The following SLC38A11 variants were observed in gnomAD, a reference collection of about 807,000 sequenced individuals.
SLC38A11 encodes solute carrier family 38 member 11, also known as putative sodium-coupled neutral amino acid transporter 11.
Under a neutral mutation model 49.4 loss-of-function variants are expected in SLC38A11, and 51 were observed. That is an observed-to-expected ratio of 1.03 (90% CI 0.83 to 1.30). The LOEUF (loss-of-function observed/expected upper bound fraction) is 1.30. Among genes scored for constraint, SLC38A11 ranks in the 50% most tolerant of loss-of-function variants. The pLI, the probability that SLC38A11 is intolerant of heterozygous loss-of-function variation, is 0.00. For missense variants in SLC38A11, 574 were observed against 556.2 expected (o/e 1.03, Z -0.32); for synonymous variants, 203 against 192.9 (o/e 1.05, Z -0.43).
chr2:164,945,405 A>G (rs1258056793), intron 4 of SLC38A11, among the ~76,000 whole-genome samples, 188 bp downstream of exon 4: 1 of 152,186 alleles, frequency 6.6e-6, no homozygotes, highest in East Asian at 1.9e-4. Context: ...TTTAAAAGAA[A>G]TAGTCAGAAA....
At chr2:164,939,662 T>C (rs1285455797) in intron 5 of SLC38A11, 106 bp from the exon 6 acceptor site, 1 of 569,192 alleles carries the variant, frequency 1.8e-6, no homozygotes, top group African/African-American at 1.9e-5. Flanking sequence ...ACATAAATAC[T>C]ACCTCAATGA....
rs1380772268 is a variant in SLC38A11, at chr2:164,935,518, AAAAAG to A, written c.617+1827_617+1831del. Among the ~76,000 whole-genome samples, 119 of 150,852 alleles carry A rather than the reference AAAAAG, an allele frequency of 7.9e-4. 1 individual carries two copies. Among genetic ancestry groups the A allele is most frequent in the African/African-American group, 2.8e-3 (114 of 41,198 alleles). On this transcript the variant is annotated intron_variant, in intron 7 of 11. Transcript: ENST00000685975. ...GACTCCATCTCTACAAAAAAAAAAA[AAAAAG>A]AAAGAAAGAAAAAATTAGCCGGATG...
chr2:164,903,663 C>T (rs559474848), intron 11 of SLC38A11, among the ~76,000 whole-genome samples: 1 of 152,286 alleles, frequency 6.6e-6, no homozygotes, highest in South Asian at 2.1e-4. Context: ...GGATACACCA[C>T]TGGCTTTGGA....
At chr2:164,925,840 A>G (rs1686536429) in intron 7 of SLC38A11, among the ~76,000 whole-genome samples, 1 of 152,182 alleles carries the variant, frequency 6.6e-6, no homozygotes, top group Admixed American at 6.5e-5. Flanking sequence ...CTTACCCAGT[A>G]GACATTTAAT....
At position 164,933,039 on chromosome 2, in the gene SLC38A11, T is replaced by C. The variant is rs117890034; in HGVS notation, c.617+4311A>G. 4.3e-4 allele frequency among the ~76,000 whole-genome samples: 66 copies of C among 152,200 alleles called. 1 individual carries two copies. In the East Asian group the frequency reaches 0.013, roughly 29 times the overall value. ...AACTGCAGAATTCAGGGTTTGAATGTATAAGGGTTAAGGAAACTAATGTGC... is the reference window on the plus strand; with the variant it reads ...AACTGCAGAATTCAGGGTTTGAATGCATAAGGGTTAAGGAAACTAATGTGC... On this transcript the variant is annotated intron_variant, in intron 7 of 11. Transcript: ENST00000685975.
chr2:164,910,306 C>A (rs1322600440), intron 10 of SLC38A11, among the ~76,000 whole-genome samples: 1 of 152,030 alleles, frequency 6.6e-6, no homozygotes, highest in Non-Finnish European at 1.5e-5. Context: ...TGCAGGCAGG[C>A]AGTTTACTAG....
At chr2:164,937,993 C>T (rs887456885) in intron 6 of SLC38A11, among the ~76,000 whole-genome samples, 1 of 151,842 alleles carries the variant, frequency 6.6e-6, no homozygotes, top group South Asian at 2.1e-4. Context: ...TTGCTTCTTC[C>T]TCTCTGTTCT....
In SLC38A11 at chr2:164,955,311, AGCCTCCTCC is replaced by A; in HGVS notation, c.-73_-65del. ...GCTGGGTACGGATTCGCACCCGGCCAGCCTCCTCCGCCACCTCGCACACAGCCGAGGTCC... is the reference window on the plus strand; with the variant it reads ...GCTGGGTACGGATTCGCACCCGGCCAGCCACCTCGCACACAGCCGAGGTCC... On this transcript the variant is annotated 5_prime_UTR_variant, in exon 1 of 12. Coordinates refer to ENST00000685975, the MANE Select transcript of SLC38A11 (RefSeq NM_001351537.2). 6.8e-7 allele frequency: 1 copy of A among 1,465,276 alleles called. No homozygotes were observed. The highest frequency in any genetic ancestry group is 1.2e-5 in the South Asian group (1 of 82,354). 90.8% of individuals were successfully genotyped at this position (1,465,276 alleles called of 1,614,324 possible).
At chr2:164,899,259 A>T (rs1004971042) in intron 11 of SLC38A11, among the ~76,000 whole-genome samples, 6 of 152,134 alleles carry the variant, frequency 3.9e-5, no homozygotes, top group African/African-American at 1.2e-4. Flanking sequence ...ACCCTAAGGC[A>T]GTTAACATGA....
rs1480190012 is a variant in SLC38A11 at position 164,896,569 on chromosome 2, A to T, written c.*1868T>A. On this transcript the variant is annotated 3_prime_UTR_variant, in exon 12 of 12. Transcript: ENST00000685975. ...TACATTTCCTCATTTCTTACATGGA[A>T]TGAAAGCATTTTTATTATATTTTAC... is the stretch of plus-strand genomic sequence containing the variant. 2.6e-5 allele frequency: 4 copies of T among 152,158 alleles called. No homozygotes were observed. The highest frequency in any genetic ancestry group is 9.7e-5 in the African/African-American group (4 of 41,444). 9.4% of individuals were successfully genotyped at this position (152,158 alleles called of 1,614,324 possible). A position where few individuals can be genotyped will look rare whatever the true frequency, so the allele number is the denominator to read the frequency against.
intron 7 of SLC38A11, among the ~76,000 whole-genome samples, chr2:164,916,822 A>G (rs1269710166): frequency 6.6e-6 from 1 of 152,132 alleles, no homozygotes; most frequent in African/African-American, 2.4e-5. Flanking sequence ...AATAATGATG[A>G]ACAGCAGAGG....
At chr2:164,917,594 T>C (rs1031139703) in intron 7 of SLC38A11, among the ~76,000 whole-genome samples, 16 of 152,158 alleles carry the variant, frequency 1.1e-4, no homozygotes, top group Admixed American at 1.0e-3. Context: ...ACATGATCCT[T>C]AGAAAATGAT....
intron 6 of SLC38A11, chr2:164,937,633 C>T (rs559786787): frequency 4.4e-6 from 2 of 452,156 alleles, no homozygotes; most frequent in Non-Finnish European, 7.9e-6. Flanking sequence ...CCGCACCCAC[C>T]CCAAGTAGGT....
At chr2:164,903,693 G>C (rs1340081546) in intron 11 of SLC38A11, among the ~76,000 whole-genome samples, 1 of 152,138 alleles carries the variant, frequency 6.6e-6, no homozygotes, top group Non-Finnish European at 1.5e-5. Flanking sequence ...GAAATTGCTT[G>C]ACAGGATGTA....
At chr2:164,938,855 A>T (rs1417264710) in intron 6 of SLC38A11, among the ~76,000 whole-genome samples, 1 of 152,176 alleles carries the variant, frequency 6.6e-6, no homozygotes, top group Non-Finnish European at 1.5e-5. Flanking sequence ...AAATACAAAT[A>T]TTCCTTGAGA....
intron 3 of SLC38A11, among the ~76,000 whole-genome samples, chr2:164,948,005 A>G (rs1378595057): frequency 3.3e-5 from 5 of 152,194 alleles, no homozygotes; most frequent in Non-Finnish European, 7.3e-5. Context: ...GGATCTGGCC[A>G]TTGATTATCA....
chr2:164,917,918 T>C (rs1364526505), intron 7 of SLC38A11, among the ~76,000 whole-genome samples: 1 of 152,074 alleles, frequency 6.6e-6, no homozygotes. Context: ...TTCATCATAA[T>C]GATGATGATT....
chr2:164,943,368 A>G (rs1351393956), intron 5 of SLC38A11, among the ~76,000 whole-genome samples: 1 of 152,224 alleles, frequency 6.6e-6, no homozygotes. Flanking sequence ...TGATAGATAC[A>G]CTATTGTACA....
intron 9 of SLC38A11, among the ~76,000 whole-genome samples, chr2:164,912,937 A>T (rs901057748): frequency 1.4e-4 from 21 of 152,186 alleles, no homozygotes; most frequent in African/African-American, 5.1e-4. Flanking sequence ...GAAACAGAGT[A>T]CTTGGGCTTG....
Sources: allele counts gnomAD v4.1 joint callset (sites outside exome capture counted in the v4.1 genomes callset), GRCh38; gene constraint gnomAD v4.1.1; transcripts MANE v1.5; gene names NCBI Gene and HGNC (gene_info 2026-07-23, HGNC 2026-07-21).